LYN: variants seen among roughly 807,000 people sequenced by gnomAD.
The protein encoded by LYN is tyrosine-protein kinase Lyn.
In LYN, 12 loss-of-function variants were observed where a neutral mutation model predicts 65.0. The ratio of observed to expected loss-of-function variants is 0.18; its 90% CI spans 0.12 to 0.30. The LOEUF is 0.30. Among genes scored for constraint, LYN ranks in the 10% least tolerant of loss-of-function variants. The pLI is 1.00. For missense variants in LYN, 380 were observed against 623.2 expected, an observed-to-expected ratio of 0.61 and a Z score of 4.16; for synonymous variants, 222 against 221.2, an observed-to-expected ratio of 1.00 and a Z score of -0.03.
intron 7 of LYN, among the ~76,000 whole-genome samples, chr8:55,953,289 T>C (rs1367358160): frequency 6.6e-6 from 1 of 152,204 alleles, no homozygotes; most frequent in Non-Finnish European, 1.5e-5. Context: ...GGCTTTGTTG[T>C]TTTTGTTCAT....
At chr8:55,959,451 G>T (rs1271729141) in intron 8 of LYN, among the ~76,000 whole-genome samples, 6 of 152,180 alleles carry the variant, frequency 3.9e-5, no homozygotes, top group African/African-American at 1.2e-4. Flanking sequence ...AAGAAATTGT[G>T]CAGGTAAGTT....
At chr8:55,999,893 C>T (rs888855003) in intron 12 of LYN, among the ~76,000 whole-genome samples, 3 of 151,938 alleles carry the variant, frequency 2.0e-5, no homozygotes, top group African/African-American at 7.3e-5. Context: ...ATTGCTTGAA[C>T]CCGGGAGGTG....
intron 1 of LYN, among the ~76,000 whole-genome samples, chr8:55,934,268 G>A (rs1806359625): frequency 6.6e-6 from 1 of 152,182 alleles, no homozygotes; most frequent in African/African-American, 2.4e-5. Flanking sequence ...ACAGCAAACA[G>A]AAGATAAAAA....
intron 10 of LYN, among the ~76,000 whole-genome samples, chr8:55,993,060 T>A (rs1420405526): frequency 6.6e-6 from 1 of 152,144 alleles, no homozygotes; most frequent in Admixed American, 6.5e-5. Flanking sequence ...GATAAAAATC[T>A]TAGATATTAC....
chr8:56,002,446 T>A (rs2130590720), intron 12 of LYN, among the ~76,000 whole-genome samples: 1 of 148,286 alleles, frequency 6.7e-6, no homozygotes, highest in Non-Finnish European at 1.5e-5. Flanking sequence ...AAGAATAAAA[T>A]AAAATAAAAA....
chr8:55,901,403 A>G (rs927286783), intron 1 of LYN, among the ~76,000 whole-genome samples: 5 of 152,174 alleles, frequency 3.3e-5, no homozygotes, highest in African/African-American at 4.8e-5. Context: ...TGACTTTAAT[A>G]TGAAAGGAAC....
At chr8:55,977,150 A>G (rs1372417376) in intron 10 of LYN, among the ~76,000 whole-genome samples, 2 of 152,076 alleles carry the variant, frequency 1.3e-5, no homozygotes, top group Non-Finnish European at 1.5e-5. Context: ...GTGCCACTGC[A>G]CTCCAGCCTG....
rs568830334 is a variant in LYN at position 55,941,008 on chromosome 8, C to G, written c.-5-847C>G. Among the ~76,000 whole-genome samples the G allele has an allele frequency of 4.6e-5, 7 of 152,310 alleles. No individual in the cohort carries two copies. In the South Asian group the frequency reaches 1.4e-3, roughly 32 times the overall value. On this transcript the variant is annotated intron_variant, in intron 1 of 12. Coordinates refer to ENST00000519728, the MANE Select transcript of LYN (RefSeq NM_002350.4). The stretch of plus-strand genomic sequence containing the variant: ...CAGTAGCCCTACTGGATTTGATCAT[C>G]TGAATGTTTTCATAAGTATCTTCTC...
At chr8:55,881,856 A>AAACTGCTTCATC (rs1804661587) in intron 1 of LYN, among the ~76,000 whole-genome samples, 1 of 152,220 alleles carries the variant, frequency 6.6e-6, no homozygotes, top group South Asian at 2.1e-4. Flanking sequence ...CTTGTCCAAA[A>AAACTGCTTCATC]TGATAGCCCC....
intron 1 of LYN, among the ~76,000 whole-genome samples, chr8:55,934,547 G>A (rs1806368996): frequency 6.6e-6 from 1 of 152,226 alleles, no homozygotes; most frequent in African/African-American, 2.4e-5. Context: ...GCAAGTGCAT[G>A]CAACTGGGAA....
chr8:55,894,149 G>C (rs1422494282), intron 1 of LYN: 1 of 152,420 alleles, frequency 6.6e-6, no homozygotes, highest in African/African-American at 2.4e-5. Context: ...TGCTGAGCCT[G>C]TAGTTTGCCT....
At chr8:55,886,411 C>G (rs1217670442) in intron 1 of LYN, among the ~76,000 whole-genome samples, 4 of 152,012 alleles carry the variant, frequency 2.6e-5, no homozygotes, top group Admixed American at 6.6e-5. Context: ...CCATGCCCGG[C>G]TAATTTTTGT....
intron 12 of LYN, among the ~76,000 whole-genome samples, chr8:56,001,769 T>C (rs903388940): frequency 6.6e-6 from 1 of 152,176 alleles, no homozygotes; most frequent in African/African-American, 2.4e-5. Context: ...ATCTGACACC[T>C]GATAAACATA....
At chr8:55,992,787 G>A (rs1457883253) in intron 10 of LYN, among the ~76,000 whole-genome samples, 1 of 152,120 alleles carries the variant, frequency 6.6e-6, no homozygotes, top group Non-Finnish European at 1.5e-5. Flanking sequence ...ACTTCTTTCT[G>A]TGTCCTCACA....
chr8:55,883,803 G>T (rs1032657022), intron 1 of LYN, among the ~76,000 whole-genome samples: 95 of 152,040 alleles, frequency 6.2e-4, no homozygotes, highest in African/African-American at 2.2e-3. Context: ...GATATACATT[G>T]CCTCCCATCT....
intron 2 of LYN, among the ~76,000 whole-genome samples, chr8:55,942,317 ATGTATATATATGTGTATATATATATG>A (rs1387921005): frequency 3.9e-4 from 54 of 136,844 alleles, no homozygotes; most frequent in African/African-American, 7.2e-4. Flanking sequence ...ATGTGTATAT[ATGTATATATATGTGTATATATATATG>A]TGTATATATA....
intron 1 of LYN, among the ~76,000 whole-genome samples, chr8:55,914,202 A>G (rs532700055): frequency 6.6e-6 from 1 of 151,800 alleles, no homozygotes; most frequent in East Asian, 1.9e-4. Flanking sequence ...GGTTTTTAGG[A>G]TGGCCTGTGA....
chr8:55,969,530 A>G (rs992486737), intron 9 of LYN, among the ~76,000 whole-genome samples, 187 bp from the exon 10 acceptor site: 3 of 152,242 alleles, frequency 2.0e-5, no homozygotes, highest in African/African-American at 7.2e-5. Context: ...ACATCAGGTC[A>G]AAGGTAACAG....
chr8:55,941,578 T>C (rs1806614623), intron 1 of LYN, among the ~76,000 whole-genome samples: 1 of 152,172 alleles, frequency 6.6e-6, no homozygotes, highest in Non-Finnish European at 1.5e-5. Flanking sequence ...GGGTCCTCTG[T>C]CATCGAGTCT....
Sources: allele counts gnomAD v4.1 joint callset (sites outside exome capture counted in the v4.1 genomes callset), GRCh38; gene constraint gnomAD v4.1.1; transcripts MANE v1.5; gene names NCBI Gene and HGNC (gene_info 2026-07-23, HGNC 2026-07-21).